Variants in MMUT observed in about 807,000 individuals in gnomAD.
MMUT encodes the protein methylmalonyl-CoA mutase.
In MMUT, 79 loss-of-function variants were observed where a neutral mutation model predicts 79.9. The observed-to-expected ratio is 0.99, with a 90% CI of 0.82 to 1.19. The LOEUF is 1.19. MMUT is among the 50% of genes most tolerant of loss of function. The probability of loss-of-function intolerance (pLI) is 0.00; values close to 1 mark genes in which losing one functional copy is unlikely to be tolerated. For synonymous variants in MMUT, 273 were observed against 295.7 expected (o/e 0.92, Z 0.79); for missense variants, 860 against 917.2 (o/e 0.94, Z 0.81).
At chr6:49,441,689 T>C (rs1436749789) in intron 10 of MMUT, 151 bp downstream of exon 10, 1 of 292,416 alleles carries the variant, frequency 3.4e-6, no homozygotes, top group Non-Finnish European at 5.7e-6. Context: ...TGTTATATAG[T>C]CTATATAATT....
intron 12 of MMUT, 123 bp downstream of exon 12, chr6:49,435,333 T>C: frequency 9.9e-7 from 1 of 1,014,554 alleles, no homozygotes; most frequent in Non-Finnish European, 1.5e-6. Context: ...GTAGAATTTA[T>C]TTAGTGAAAT....
At chr6:49,460,860 C>T (rs1767823265) in intron 1 of MMUT, among the ~76,000 whole-genome samples, 1 of 152,180 alleles carries the variant, frequency 6.6e-6, no homozygotes, top group African/African-American at 2.4e-5. Context: ...ACATAAACCA[C>T]TGGTGACAGT....
chr6:49,443,869 C>G, intron 9 of MMUT: 1 of 391,788 alleles, frequency 2.6e-6, no homozygotes, highest in Admixed American at 2.9e-5. Context: ...TTTTTAAATG[C>G]AGGATGACAA....
At chr6:49,444,311 AAATACCAAGGT>A (rs1481989061) in intron 9 of MMUT, among the ~76,000 whole-genome samples, 2 of 152,114 alleles carry the variant, frequency 1.3e-5, no homozygotes, top group Non-Finnish European at 2.9e-5. Flanking sequence ...TTAACTGGTA[AAATACCAAGGT>A]AATAGGCATA....
Position 49,435,630 on chromosome 6 carries a change from A to C in MMUT, c.1957-7T>G, listed in dbSNP as rs1369111544. ...GGGCCACTTCACGAGGAGTCTAAAC[A>C]GTCAGAAAGTAAAGATAAATCATTG... is the stretch of plus-strand genomic sequence containing the variant. On this transcript the variant is annotated splice_region_variant and splice_polypyrimidine_tract_variant and intron_variant, in intron 11 of 12. Transcript: ENST00000274813. 15 of 1,612,428 alleles carry C rather than the reference A, an allele frequency of 9.3e-6. No individual in the cohort carries two copies. The highest frequency in any genetic ancestry group is 1.2e-5 in the Non-Finnish European group (14 of 1,179,148).
At chr6:49,432,226 T>G (rs1766997401) in intron 12 of MMUT, among the ~76,000 whole-genome samples, 1 of 152,296 alleles carries the variant, frequency 6.6e-6, no homozygotes, top group South Asian at 2.1e-4. Flanking sequence ...GTGATAAGTT[T>G]GAGCCTAAAA....
intron 11 of MMUT, among the ~76,000 whole-genome samples, chr6:49,438,142 C>T (rs1309217859): frequency 1.3e-5 from 2 of 151,952 alleles, no homozygotes; most frequent in South Asian, 2.1e-4. Flanking sequence ...CAACTCAGAG[C>T]CTAGCATCTG....
At chr6:49,447,330 C>T (rs4715129) in intron 8 of MMUT, among the ~76,000 whole-genome samples, 53,883 of 151,512 alleles carry the variant, frequency 0.36, 9,768 homozygotes, top group African/African-American at 0.39. Context: ...TAGTAAGTTA[C>T]ATAATCATCT....
At chr6:49,451,277 T>C (rs1230413572) in intron 6 of MMUT, among the ~76,000 whole-genome samples, 189 bp downstream of exon 6, 2 of 152,208 alleles carry the variant, frequency 1.3e-5, no homozygotes, top group Non-Finnish European at 2.9e-5. Flanking sequence ...TTTAAATGGA[T>C]TGTTTTGAAA....
intron 11 of MMUT, among the ~76,000 whole-genome samples, chr6:49,436,763 G>A (rs1767142489): frequency 6.6e-6 from 1 of 152,144 alleles, no homozygotes; most frequent in Non-Finnish European, 1.5e-5. Flanking sequence ...CAGAAAAAAA[G>A]AATGAGATCG....
rs564802484 is a variant in MMUT at position 49,462,311 on chromosome 6, A to G, written c.-40+792T>C. 9.1e-4 allele frequency among the ~76,000 whole-genome samples: 139 copies of G among 152,222 alleles called. No homozygotes were observed. The South Asian group carries it at 0.012, about 13-fold the overall frequency. ...AGTGAGAAAAAGATTTCTTGAACCAATAAGTTTCAAGCTTTGGCTGCTGAC... is the reference window on the plus strand; with the variant it reads ...AGTGAGAAAAAGATTTCTTGAACCAGTAAGTTTCAAGCTTTGGCTGCTGAC... On this transcript the variant is annotated intron_variant, in intron 1 of 12. Coordinates refer to ENST00000274813, the MANE Select transcript of MMUT (RefSeq NM_000255.4).
Position 49,456,115 on chromosome 6 carries a change from GAGTCC to G in MMUT, c.871_875del (p.Gly291ProfsTer7). 6.2e-7 allele frequency: 1 copy of G among 1,613,602 alleles called. No individual in the cohort carries two copies. The highest frequency in any genetic ancestry group is 8.5e-7 in the Non-Finnish European group (1 of 1,179,652). On this transcript the variant is annotated frameshift_variant, in exon 4 of 13. Coordinates refer to ENST00000274813, the MANE Select transcript of MMUT (RefSeq NM_000255.4). LOFTEE classifies it high-confidence loss of function. ...ATTCATCAATTGTCAGGCCAGCCTG[GAGTCC>G]AGTTCTAGAGTACTCCAATCCATCT...
At chr6:49,444,400 A>G (rs1013273675) in intron 9 of MMUT, among the ~76,000 whole-genome samples, 1 of 152,180 alleles carries the variant, frequency 6.6e-6, no homozygotes, top group African/African-American at 2.4e-5. Context: ...ATTCATTTCA[A>G]TAGTTTCAAA....
Position 49,440,253 on chromosome 6 carries a change from C to G in MMUT, c.1909G>C (p.Gly637Arg). ...ACATCAAAACCAAGATCAGCAAATC[C>G]TGTAGCAATAACTTTTGCTCCTCTG... Reference protein sequence around the residue: ...HDRGAKVIATGFADLGFDVDI... With the variant: ...HDRGAKVIATRFADLGFDVDI... The change falls in exon 11 of 13, where the codon GGA becomes CGA. Residue 637 changes from glycine (G) to arginine (R), a missense_variant. Gly to Arg is a moderately radical substitution (Grantham distance 125). Transcript: ENST00000274813. The G allele has an allele frequency of 6.2e-7, 1 of 1,614,108 alleles. No individual in the cohort carries two copies. The highest frequency in any genetic ancestry group is 8.5e-7 in the Non-Finnish European group (1 of 1,179,984).
chr6:49,458,014 G>A lies in MMUT; in HGVS notation c.430C>T (p.Arg144Cys). Residue 144 changes from arginine to cysteine, a missense_variant, in exon 3 of 13, where the codon CGT becomes TGT. Coordinates refer to ENST00000274813, the MANE Select transcript of MMUT (RefSeq NM_000255.4). ...CGAGGGTTGTCTGAATCATAGCCAC[G>A]ATGTGTCGCCAGATCAAAGGCAACT... ...LSVAFDLATHRGYDSDNPRVR... is the reference protein window; with the variant it reads ...LSVAFDLATHCGYDSDNPRVR... The A allele has an allele frequency of 2.5e-6, 4 of 1,603,444 alleles. No individual in the cohort carries two copies. Among genetic ancestry groups the A allele is most frequent in the Non-Finnish European group, 3.4e-6 (4 of 1,179,866 alleles).
chr6:49,447,992 G>A (rs551576908), intron 7 of MMUT, among the ~76,000 whole-genome samples: 1 of 152,038 alleles, frequency 6.6e-6, no homozygotes, highest in East Asian at 1.9e-4. Flanking sequence ...TGTAAGGAAG[G>A]ACTTTCATTA....
At chr6:49,432,492 A>G (rs984944365) in intron 12 of MMUT, among the ~76,000 whole-genome samples, 1 of 152,008 alleles carries the variant, frequency 6.6e-6, no homozygotes. Flanking sequence ...GGTTCACGCC[A>G]TTCTCCTGCC....
At chr6:49,453,871 A>G (rs1767621597) in intron 4 of MMUT, 115 bp from the exon 5 acceptor site, 2 of 891,470 alleles carry the variant, frequency 2.2e-6, no homozygotes, top group Non-Finnish European at 3.5e-6. Flanking sequence ...ATTTCGAAGA[A>G]CTTAATTTGA....
At chr6:49,444,991 G>GA (rs1767376395) in intron 8 of MMUT, among the ~76,000 whole-genome samples, 1 of 151,912 alleles carries the variant, frequency 6.6e-6, no homozygotes, top group South Asian at 2.1e-4. Flanking sequence ...TAACAAATCA[G>GA]AAACATGAAG....
Sources: gnomAD v4.1 joint callset for allele counts (sites outside exome capture counted in the v4.1 genomes callset) on GRCh38, gnomAD v4.1.1 for gene constraint, MANE v1.5 for transcripts, NCBI Gene and HGNC (gene_info 2026-07-23, HGNC 2026-07-21) for gene names.